DPYSL3: variants seen among roughly 807,000 people sequenced by gnomAD.
DPYSL3 encodes the protein dihydropyrimidinase-related protein 3.
In DPYSL3, 16 loss-of-function variants were observed where a neutral mutation model predicts 66.1. The observed-to-expected ratio is 0.24, with a 90% CI of 0.16 to 0.37. DPYSL3 has a LOEUF of 0.37. Ranked by LOEUF, DPYSL3 falls within the 10% of genes least tolerant of loss-of-function variation. The pLI is 1.00. For missense variants in DPYSL3, 738 were observed against 916.2 expected (o/e 0.81, Z 2.51); for synonymous variants, 338 against 345.1 (o/e 0.98, Z 0.23).
At chr5:147,420,760 C>T (rs987279111) in intron 2 of DPYSL3, among the ~76,000 whole-genome samples, 5 of 152,214 alleles carry the variant, frequency 3.3e-5, no homozygotes, top group African/African-American at 1.2e-4. Flanking sequence ...ACACACACAT[C>T]TGATGGTTAA....
intron 1 of DPYSL3, among the ~76,000 whole-genome samples, chr5:147,465,306 C>G (rs1171116848): frequency 6.6e-6 from 1 of 152,124 alleles, no homozygotes; most frequent in Non-Finnish European, 1.5e-5. Context: ...CTACCCAGGT[C>G]TCTCTTTTTT....
At chr5:147,421,781 C>T (rs531011447) in intron 2 of DPYSL3, among the ~76,000 whole-genome samples, 27 of 152,180 alleles carry the variant, frequency 1.8e-4, no homozygotes, top group Non-Finnish European at 3.4e-4. Flanking sequence ...ATTGAATAAA[C>T]GGTGTTGGGA....
chr5:147,444,961 G>A (rs547194503), intron 1 of DPYSL3, among the ~76,000 whole-genome samples: 1 of 151,692 alleles, frequency 6.6e-6, no homozygotes, highest in South Asian at 2.1e-4. Context: ...TCTAGTTGCT[G>A]CTAATAACTC....
intron 1 of DPYSL3, among the ~76,000 whole-genome samples, chr5:147,470,135 T>C (rs1056714198): frequency 6.6e-6 from 1 of 152,094 alleles, no homozygotes; most frequent in Non-Finnish European, 1.5e-5. Flanking sequence ...TCTTCGTAAC[T>C]CCCTTCAGGG....
At chr5:147,502,571 C>CT (rs71001435) in intron 1 of DPYSL3, among the ~76,000 whole-genome samples, 1,972 of 95,164 alleles carry the variant, frequency 0.021, 130 homozygotes, top group East Asian at 0.17. Context: ...CTTAATAATG[C>CT]TTTTTTTTTT....
intron 12 of DPYSL3, 61 bp downstream of exon 12, chr5:147,397,605 T>C: frequency 3.2e-6 from 5 of 1,540,318 alleles, no homozygotes; most frequent in Non-Finnish European, 2.7e-6. Context: ...ATGGTTACTA[T>C]CTCTGAGCGT....
chr5:147,402,860 G>T (rs1758233748), intron 8 of DPYSL3, among the ~76,000 whole-genome samples: 1 of 152,160 alleles, frequency 6.6e-6, no homozygotes, highest in South Asian at 2.1e-4. Flanking sequence ...AAGGAATAGT[G>T]ATATAGAAAG....
Position 147,425,723 on chromosome 5 carries a change from CAAGTTATTAACAAAGTTAATG to C in DPYSL3, c.382-781_382-761del, listed in dbSNP as rs1752182403. Among the ~76,000 whole-genome samples, 4 of 152,018 alleles carry C rather than the reference CAAGTTATTAACAAAGTTAATG, an allele frequency of 2.6e-5. No homozygotes were observed. The South Asian group carries it at 8.3e-4, about 32-fold the overall frequency. On this transcript the variant is annotated intron_variant, in intron 1 of 13. Coordinates refer to ENST00000343218, the MANE Select transcript of DPYSL3 (RefSeq NM_001197294.2). ...TTGAGTTACCCGACAGGAAACAATG[CAAGTTATTAACAAAGTTAATG>C]AAGTTATTAACAAAGTAAATATATA...
chr5:147,405,083 A>G (rs982065290), intron 8 of DPYSL3, among the ~76,000 whole-genome samples: 4 of 152,190 alleles, frequency 2.6e-5, no homozygotes, highest in Non-Finnish European at 5.9e-5. Context: ...CTCAGCATCT[A>G]TTCTGTAACT....
intron 11 of DPYSL3, among the ~76,000 whole-genome samples, chr5:147,398,544 C>A (rs1239144292): frequency 1.3e-5 from 2 of 152,180 alleles, no homozygotes. Context: ...CTATTTTTAA[C>A]AACAGTGTCG....
At chr5:147,431,309 A>C (rs1477760730) in intron 1 of DPYSL3, among the ~76,000 whole-genome samples, 1 of 152,146 alleles carries the variant, frequency 6.6e-6, no homozygotes, top group East Asian at 1.9e-4. Flanking sequence ...TGGCTCTGTT[A>C]TTAAATATGT....
rs1230870682 is a variant in DPYSL3 at position 147,509,708 on chromosome 5, C to T, written c.151G>A (p.Asp51Asn). The change falls in exon 1 of 14, where the codon GAT (aspartate) becomes AAT (asparagine). Residue 51 changes from aspartate to asparagine, a missense_variant. By Grantham distance (23) the Asp-to-Asn change is conservative. Transcript: ENST00000343218. The surrounding 1 kb of genome is among the most constrained non-coding windows in gnomAD (Gnocchi z 5.3). The stretch of plus-strand genomic sequence containing the variant: ...TGCCCCACGCTGAGGGCATCGAAAT[C>T]CAGCGTCTTGCTCTCGAAGGCGCCC... ...VEGAFESKTLDFDALSVGQRG... is the reference protein window; with the variant it reads ...VEGAFESKTLNFDALSVGQRG... 1 of 1,535,856 alleles carries T rather than the reference C, an allele frequency of 6.5e-7. No individual in the cohort carries two copies. The highest frequency in any genetic ancestry group is 1.4e-5 in the African/African-American group (1 of 73,042).
chr5:147,398,937 G>C (rs1277965557), intron 11 of DPYSL3, 145 bp downstream of exon 11: 2 of 1,137,984 alleles, frequency 1.8e-6, no homozygotes, highest in Non-Finnish European at 2.5e-6. Context: ...TTGAGGTTTT[G>C]AGCCACTGAG....
intron 2 of DPYSL3, among the ~76,000 whole-genome samples, chr5:147,420,215 C>T (rs887122090): frequency 6.6e-6 from 1 of 152,174 alleles, no homozygotes; most frequent in Non-Finnish European, 1.5e-5. Flanking sequence ...AATTACCTTA[C>T]CATGCTTCAA....
At chr5:147,425,112 A>T (rs1752171837) in intron 1 of DPYSL3, 149 bp from the exon 2 acceptor site, 1 of 547,244 alleles carries the variant, frequency 1.8e-6, no homozygotes, top group Non-Finnish European at 3.2e-6. Context: ...TCAACATTTA[A>T]AGTAGGTGTA....
At chr5:147,442,115 T>C (rs1317080899) in intron 1 of DPYSL3, among the ~76,000 whole-genome samples, 1 of 152,226 alleles carries the variant, frequency 6.6e-6, no homozygotes, top group Non-Finnish European at 1.5e-5. Flanking sequence ...AAAAAGTGCA[T>C]GATTTCAAAT....
At chr5:147,465,002 T>C (rs976905296) in intron 1 of DPYSL3, among the ~76,000 whole-genome samples, 1 of 152,166 alleles carries the variant, frequency 6.6e-6, no homozygotes. Flanking sequence ...AGTTCAGGAC[T>C]AGCCTAGCCA....
chr5:147,430,350 A>G (rs945874097), intron 1 of DPYSL3, among the ~76,000 whole-genome samples: 2 of 151,782 alleles, frequency 1.3e-5, no homozygotes, highest in African/African-American at 4.8e-5. Flanking sequence ...ACAAAAAGAA[A>G]AAGAAAAAAA....
At chr5:147,495,461 C>A (rs1241282021) in intron 1 of DPYSL3, among the ~76,000 whole-genome samples, 1 of 152,090 alleles carries the variant, frequency 6.6e-6, no homozygotes, top group Admixed American at 6.5e-5. Flanking sequence ...TCAAATTGTC[C>A]CTGTTTGCAG....
Sources: allele counts gnomAD v4.1 joint callset (sites outside exome capture counted in the v4.1 genomes callset), GRCh38; gene constraint gnomAD v4.1.1; non-coding constraint Gnocchi (gnomAD v3.1); transcripts MANE v1.5; gene names NCBI Gene and HGNC (gene_info 2026-07-23, HGNC 2026-07-21).